The following CIMIP6 variants were observed in gnomAD, a reference collection of about 807,000 sequenced individuals.
CIMIP6 encodes the protein ciliary microtubule inner protein 6, also known as uncharacterized protein C2orf73.
chr2:54,376,859 G>A, the CIMIP6 span, among the ~76,000 whole-genome samples: 1 of 152,170 alleles, frequency 6.6e-6, no homozygotes, highest in African/African-American at 2.4e-5. Context: ...CTCCCAGCTG[G>A]GCACTGTTAG....
At chr2:54,362,635 C>T in the CIMIP6 span, among the ~76,000 whole-genome samples, 1 of 152,192 alleles carries the variant, frequency 6.6e-6, no homozygotes, top group African/African-American at 2.4e-5. Flanking sequence ...GCAATCTCCA[C>T]CTCCCAGGTT....
the CIMIP6 span, among the ~76,000 whole-genome samples, chr2:54,363,820 A>G: frequency 2.0e-5 from 3 of 152,196 alleles, no homozygotes; most frequent in Non-Finnish European, 2.9e-5. Flanking sequence ...TTGCAAACTT[A>G]GTACTTTAAC....
the CIMIP6 span, among the ~76,000 whole-genome samples, chr2:54,375,480 G>T: frequency 6.6e-6 from 1 of 152,062 alleles, no homozygotes; most frequent in South Asian, 2.1e-4. Flanking sequence ...TGTTGGTAAG[G>T]GTAAGGGGGA....
chr2:54,339,617 A>C, the CIMIP6 span, among the ~76,000 whole-genome samples: 5 of 74,890 alleles, frequency 6.7e-5, 1 homozygote, highest in African/African-American at 1.8e-4. Flanking sequence ...AACCAATGTG[A>C]CCTTAGCTGC....
At chr2:54,343,854 A>G in the CIMIP6 span, 1 of 1,603,358 alleles carries the variant, frequency 6.2e-7, no homozygotes, top group African/African-American at 1.3e-5. Flanking sequence ...GCAAGATGCA[A>G]AAGCCTTCTT....
the CIMIP6 span, among the ~76,000 whole-genome samples, chr2:54,375,075 C>G: frequency 6.6e-6 from 1 of 152,078 alleles, no homozygotes. Flanking sequence ...AGCTACCTTA[C>G]CAGCATTTAA....
chr2:54,353,552 G>A, the CIMIP6 span, among the ~76,000 whole-genome samples: 28 of 152,154 alleles, frequency 1.8e-4, no homozygotes, highest in African/African-American at 6.7e-4. Context: ...GGGGGAGGGG[G>A]AAACTGCATG....
At chr2:54,379,057 A>G in the CIMIP6 span, among the ~76,000 whole-genome samples, 14 of 152,254 alleles carry the variant, frequency 9.2e-5, no homozygotes, top group Non-Finnish European at 1.6e-4. Context: ...AAACCAACGA[A>G]GAAACAAATG....
chr2:54,381,802 T>C, the CIMIP6 span: 4 of 1,507,924 alleles, frequency 2.7e-6, no homozygotes, highest in African/African-American at 5.7e-5. Flanking sequence ...ACCATCAGAC[T>C]TTTTCCCATA....
At chr2:54,335,408 G>T in the CIMIP6 span, among the ~76,000 whole-genome samples, 1 of 152,160 alleles carries the variant, frequency 6.6e-6, no homozygotes. Context: ...TTCTAGGAAT[G>T]AGCTAAGTGT....
At chr2:54,335,946 A>G in the CIMIP6 span, among the ~76,000 whole-genome samples, 1,532 of 152,248 alleles carry the variant, frequency 0.01, 36 homozygotes, top group African/African-American at 0.034. Context: ...ACTCTCTCTT[A>G]TAAGGACCCT....
the CIMIP6 span, among the ~76,000 whole-genome samples, chr2:54,358,570 T>G: frequency 1.3e-5 from 2 of 152,004 alleles, no homozygotes; most frequent in African/African-American, 4.8e-5. Flanking sequence ...CCTGGCTTAT[T>G]TTTTGTAGAG....
the CIMIP6 span, among the ~76,000 whole-genome samples, chr2:54,376,137 G>A: frequency 1.3e-5 from 2 of 151,944 alleles, no homozygotes; most frequent in African/African-American, 4.8e-5. Context: ...CCCAACTCAA[G>A]CAATCCTCCT....
chr2:54,354,096 A>T, the CIMIP6 span, among the ~76,000 whole-genome samples: 1 of 152,166 alleles, frequency 6.6e-6, no homozygotes, highest in Non-Finnish European at 1.5e-5. Context: ...AAAACCATTT[A>T]TAAAATAATC....
At chr2:54,343,802 T>C in the CIMIP6 span, 13 of 1,612,784 alleles carry the variant, frequency 8.1e-6, no homozygotes, top group South Asian at 1.2e-4. Flanking sequence ...AGGAGTGACT[T>C]CCAAAAACCA....
chr2:54,331,550 C>T, the CIMIP6 span, among the ~76,000 whole-genome samples: 2 of 152,046 alleles, frequency 1.3e-5, no homozygotes, highest in African/African-American at 4.8e-5. Flanking sequence ...CGCCCCTTAC[C>T]GTTTCTTGCC....
chr2:54,370,773 G>A, the CIMIP6 span, among the ~76,000 whole-genome samples: 1 of 152,216 alleles, frequency 6.6e-6, no homozygotes, highest in Non-Finnish European at 1.5e-5. Context: ...GGATAGCAGA[G>A]TTCCTGACGT....
At chr2:54,335,215 G>A in the CIMIP6 span, among the ~76,000 whole-genome samples, 6 of 152,174 alleles carry the variant, frequency 3.9e-5, no homozygotes, top group Admixed American at 3.9e-4. Context: ...CGGATACAGG[G>A]AGGGAATCTA....
chr2:54,363,963 T>C, the CIMIP6 span, among the ~76,000 whole-genome samples: 2 of 152,352 alleles, frequency 1.3e-5, no homozygotes, highest in South Asian at 4.1e-4. Flanking sequence ...AGTGAGTGGT[T>C]CCTACCACAG....
Sources: allele counts gnomAD v4.1 joint callset (sites outside exome capture counted in the v4.1 genomes callset), GRCh38; gene constraint gnomAD v4.1.1; transcripts MANE v1.5; gene names NCBI Gene and HGNC (gene_info 2026-07-23, HGNC 2026-07-21).